Variants in TXK observed in about 807,000 individuals in gnomAD.
TXK encodes the protein TXK tyrosine kinase, also known as tyrosine-protein kinase TXK.
Under a neutral mutation model 81.0 loss-of-function variants are expected in TXK, and 60 were observed. The ratio of observed to expected loss-of-function variants is 0.74; its 90% confidence interval spans 0.60 to 0.92. TXK has a LOEUF of 0.92. TXK is among the 40% of genes least tolerant of loss of function. TXK has a pLI of 0.00. For missense variants in TXK, 581 were observed against 638.3 expected, an observed-to-expected ratio of 0.91 and a Z score of 0.97; for synonymous variants, 203 against 210.7, an observed-to-expected ratio of 0.96 and a Z score of 0.32.
At chr4:48,084,246 T>C (rs2109415919) in intron 10 of TXK, among the ~76,000 whole-genome samples, 1 of 151,878 alleles carries the variant, frequency 6.6e-6, no homozygotes, top group East Asian at 1.9e-4. Flanking sequence ...CTCCCTACCA[T>C]GCCTGGCTAG....
chr4:48,077,028 A>G (rs1424957271), intron 11 of TXK, among the ~76,000 whole-genome samples: 1 of 152,212 alleles, frequency 6.6e-6, no homozygotes, highest in Non-Finnish European at 1.5e-5. Context: ...AGCCCAAAAT[A>G]CATAACAGAT....
chr4:48,102,174 T>G (rs1193944445), intron 6 of TXK, among the ~76,000 whole-genome samples: 1 of 151,846 alleles, frequency 6.6e-6, no homozygotes, highest in Non-Finnish European at 1.5e-5. Flanking sequence ...AGACGGGGTT[T>G]CATCATGTTG....
chr4:48,084,823 AGAGAATGGGTCCAGTTAATC>A (rs768110527), intron 10 of TXK, among the ~76,000 whole-genome samples: 4,350 of 60,058 alleles, frequency 0.072, 535 homozygotes, highest in East Asian at 0.17. Flanking sequence ...TGCCTTCGAA[AGAGAATGGGTCCAGTTAATC>A]GAGAATGGGT....
At chr4:48,083,106 T>C (rs547015226) in intron 10 of TXK, among the ~76,000 whole-genome samples, 2 of 152,346 alleles carry the variant, frequency 1.3e-5, no homozygotes, top group South Asian at 2.1e-4. Context: ...CCTTAAGCCA[T>C]CTGCGGATCA....
At chr4:48,080,819 C>G (rs1415218489) in intron 10 of TXK, among the ~76,000 whole-genome samples, 1 of 151,948 alleles carries the variant, frequency 6.6e-6, no homozygotes, top group Non-Finnish European at 1.5e-5. Flanking sequence ...TCTCTAAAAG[C>G]CTTTTATGCC....
chr4:48,108,028 G>A (rs1395976019), intron 5 of TXK, among the ~76,000 whole-genome samples: 1 of 151,662 alleles, frequency 6.6e-6, no homozygotes, highest in Non-Finnish European at 1.5e-5. Context: ...CCGAGATCAC[G>A]ACACTGCACT....
rs192506888 is a variant in TXK at position 48,132,815 on chromosome 4, A to T, written c.16+1340T>A. On this transcript the variant is annotated intron_variant, in intron 1 of 14. Transcript: ENST00000264316. The stretch of plus-strand genomic sequence containing the variant: ...AGAAAAACTAGCCAGGCATGGTGGC[A>T]TGCGCCTGTAGTCCCAGCTACTCGG... Among the ~76,000 whole-genome samples, 507 of 152,116 alleles carry T rather than the reference A, an allele frequency of 3.3e-3. 4 individuals carry two copies. Among genetic ancestry groups the T allele is most frequent in the Admixed American group, 6.7e-3 (103 of 15,278 alleles).
At chr4:48,120,225 AC>A (rs67827190) in intron 1 of TXK, among the ~76,000 whole-genome samples, 2 of 93,662 alleles carry the variant, frequency 2.1e-5, no homozygotes, top group African/African-American at 5.5e-5. Flanking sequence ...GTACATATAT[AC>A]GTATATATGT....
rs754108272 is a variant in TXK, at chr4:48,080,059, C to A, written c.1026G>T (p.Val342=). 3 of 1,614,084 alleles carry A rather than the reference C, an allele frequency of 1.9e-6. No homozygotes were observed. Among genetic ancestry groups the A allele is most frequent in the Admixed American group, 1.7e-5 (1 of 60,014 alleles). ...VCIQRKPLYI[V]TEFMENGCLL... ...GGCAGCCATTTTCCATGAACTCTGTCACAATGTAAAGGGGCTTCCGCTGTA... is the reference window on the plus strand; with the variant it reads ...GGCAGCCATTTTCCATGAACTCTGTAACAATGTAAAGGGGCTTCCGCTGTA... The change falls in exon 11 of 15, where the codon GTG becomes GTT. Residue 342 remains valine, a synonymous_variant. Coordinates refer to ENST00000264316, the MANE Select transcript of TXK (RefSeq NM_003328.3).
At chr4:48,069,332 T>C (rs796599043) in intron 14 of TXK, among the ~76,000 whole-genome samples, 106 of 137,376 alleles carry the variant, frequency 7.7e-4, no homozygotes, top group Middle Eastern at 3.6e-3. Context: ...TTTTCTTTTT[T>C]TTTTTTTTTT....
At chr4:48,078,227 G>A (rs544847356) in intron 11 of TXK, among the ~76,000 whole-genome samples, 18 of 152,298 alleles carry the variant, frequency 1.2e-4, no homozygotes, top group African/African-American at 4.3e-4. Flanking sequence ...TCTAGTATTT[G>A]TGTAAATGAC....
intron 5 of TXK, among the ~76,000 whole-genome samples, chr4:48,107,920 A>C (rs944805815): frequency 1.3e-4 from 13 of 97,306 alleles, no homozygotes; most frequent in Admixed American, 3.6e-4. Context: ...AAAAAAAAAA[A>C]AAAAACCGGG....
Position 48,094,177 on chromosome 4 carries a change from A to G in TXK, c.609T>C (p.Tyr203=). Residue 203 remains tyrosine (Y), a synonymous_variant, in exon 8 of 15, where the codon TAT becomes TAC. Coordinates refer to ENST00000264316, the MANE Select transcript of TXK (RefSeq NM_003328.3). ...RRSTEAAIKH[Y]QIKKNDSGQW... is the part of the protein sequence containing the mutation. Reference sequence around the variant, plus strand: ...GTCCTGAGTCATTCTTTTTTATCTGATAATGTTTTATGGCAGCCTCCGTAC... The same window carrying G: ...GTCCTGAGTCATTCTTTTTTATCTGGTAATGTTTTATGGCAGCCTCCGTAC... 1 of 1,613,764 alleles carries G rather than the reference A, an allele frequency of 6.2e-7. No homozygotes were observed. The highest frequency in any genetic ancestry group is 8.5e-7 in the Non-Finnish European group (1 of 1,179,974).
chr4:48,080,566 A>G (rs1391955682), intron 10 of TXK, among the ~76,000 whole-genome samples: 2 of 151,944 alleles, frequency 1.3e-5, no homozygotes, highest in African/African-American at 4.8e-5. Flanking sequence ...CAAAAATTAA[A>G]TTCTAAAGCA....
At chr4:48,121,528 A>G (rs1265593151) in intron 1 of TXK, among the ~76,000 whole-genome samples, 1 of 152,246 alleles carries the variant, frequency 6.6e-6, no homozygotes, top group Non-Finnish European at 1.5e-5. Context: ...AAATCCATAG[A>G]TGCTTAAGAT....
At chr4:48,095,708 T>C (rs1352351199) in intron 6 of TXK, among the ~76,000 whole-genome samples, 1 of 151,882 alleles carries the variant, frequency 6.6e-6, no homozygotes, top group Non-Finnish European at 1.5e-5. Flanking sequence ...AGAACAGATA[T>C]GGGGGAGTCT....
At position 48,107,300 on chromosome 4, in the gene TXK, T is replaced by C. The variant is rs560760895; in HGVS notation, c.447-2345A>G. ...TGATAATTCGGATATTCATTTAAAG[T>C]AGCCATAAATCTTTCTATGCACAAA... On this transcript the variant is annotated intron_variant, in intron 5 of 14. Coordinates refer to ENST00000264316, the MANE Select transcript of TXK (RefSeq NM_003328.3). Among the ~76,000 whole-genome samples the C allele has an allele frequency of 7.9e-5, 12 of 151,942 alleles. No homozygotes were observed. The South Asian group carries it at 2.1e-3, about 26-fold the overall frequency.
At chr4:48,073,354 A>G (rs1716938752) in intron 13 of TXK, among the ~76,000 whole-genome samples, 1 of 152,114 alleles carries the variant, frequency 6.6e-6, no homozygotes, top group African/African-American at 2.4e-5. Context: ...TTGAAAATCA[A>G]CCCCGAAACT....
intron 10 of TXK, among the ~76,000 whole-genome samples, chr4:48,086,129 C>G (rs976034788): frequency 1.9e-4 from 29 of 152,232 alleles, no homozygotes; most frequent in African/African-American, 6.5e-4. Flanking sequence ...GAGCACACAG[C>G]GGCTGAGTAA....
Sources: gnomAD v4.1 joint callset for allele counts (sites outside exome capture counted in the v4.1 genomes callset) on GRCh38, gnomAD v4.1.1 for gene constraint, MANE v1.5 for transcripts, NCBI Gene and HGNC (gene_info 2026-07-23, HGNC 2026-07-21) for gene names.